The following RAB3C variants were observed in gnomAD, a reference collection of about 807,000 sequenced individuals.
RAB3C encodes RAB3C, member RAS oncogene family, also known as ras-related protein Rab-3C.
Under a neutral mutation model 26.4 loss-of-function variants are expected in RAB3C, and 17 were observed. The observed-to-expected ratio is 0.64, with a 90% CI of 0.44 to 0.97. RAB3C has a LOEUF of 0.97. Ranked by LOEUF, RAB3C falls within the 50% of genes least tolerant of loss-of-function variation. RAB3C has a pLI of 0.00. For missense variants in RAB3C, 242 were observed against 281.9 expected, an observed-to-expected ratio of 0.86 and a Z score of 1.01; for synonymous variants, 91 against 95.9, an observed-to-expected ratio of 0.95 and a Z score of 0.30.
At chr5:58,623,333 C>T (rs1218314385) in intron 2 of RAB3C, among the ~76,000 whole-genome samples, 2 of 152,210 alleles carry the variant, frequency 1.3e-5, no homozygotes, top group African/African-American at 2.4e-5. Flanking sequence ...GGCCTAGTCA[C>T]CCTACCCATT....
chr5:58,810,942 C>T (rs529764444), intron 3 of RAB3C, among the ~76,000 whole-genome samples: 1 of 152,274 alleles, frequency 6.6e-6, no homozygotes, highest in East Asian at 1.9e-4. Flanking sequence ...TTTGCTCCCA[C>T]CAAAACGGCA....
intron 2 of RAB3C, among the ~76,000 whole-genome samples, chr5:58,620,350 G>A (rs994240461): frequency 6.6e-5 from 10 of 152,122 alleles, no homozygotes; most frequent in African/African-American, 2.4e-4. Context: ...TTTTATAATA[G>A]TGTATACAAT....
At chr5:58,822,585 T>A (rs1160030885) in intron 3 of RAB3C, 1 of 253,954 alleles carries the variant, frequency 3.9e-6, no homozygotes, top group Non-Finnish European at 7.9e-6. Context: ...AGGGTAGAAC[T>A]GATTACTATA....
chr5:58,651,524 A>G (rs1026325653), intron 2 of RAB3C, among the ~76,000 whole-genome samples: 1 of 152,208 alleles, frequency 6.6e-6, no homozygotes, highest in Non-Finnish European at 1.5e-5. Context: ...TTGTTTGCAC[A>G]TATTTCTGAT....
chr5:58,640,832 C>G (rs1262813661), intron 2 of RAB3C, among the ~76,000 whole-genome samples: 1 of 152,138 alleles, frequency 6.6e-6, no homozygotes, highest in Admixed American at 6.5e-5. Flanking sequence ...AACTGGTACT[C>G]TAGTGCAATA....
Position 58,855,727 on chromosome 5 carries a change from T to C in RAB3C, c.*4376T>C, listed in dbSNP as rs987320621. The stretch of plus-strand genomic sequence containing the variant: ...CAATTAAAGACATAAACCTGTTTTA[T>C]ATCATGGAATTTACTGGGCCAAATT... On this transcript the variant is annotated 3_prime_UTR_variant, in exon 5 of 5. Coordinates refer to ENST00000282878, the MANE Select transcript of RAB3C (RefSeq NM_138453.4). 3 of 152,214 alleles carry C rather than the reference T, an allele frequency of 2.0e-5. No homozygotes were observed. The highest frequency in any genetic ancestry group is 1.3e-4 in the Admixed American group (2 of 15,266). The allele number at this position is 152,214 out of a possible 1,614,324, so 9.4% of individuals were successfully genotyped here. A position where few individuals can be genotyped will look rare whatever the true frequency, so the allele number is the denominator to read the frequency against.
At chr5:58,596,837 T>TATAATATATAATAC (rs1746284692) in intron 1 of RAB3C, among the ~76,000 whole-genome samples, 1 of 88,304 alleles carries the variant, frequency 1.1e-5, no homozygotes, top group Non-Finnish European at 1.9e-5. Flanking sequence ...TATATAAATT[T>TATAATATATAATAC]ATAATATATA....
At chr5:58,646,424 G>C (rs1053917289) in intron 2 of RAB3C, among the ~76,000 whole-genome samples, 11 of 150,574 alleles carry the variant, frequency 7.3e-5, no homozygotes, top group African/African-American at 2.7e-4. Context: ...TGAATTTTAA[G>C]AAAATCTATT....
intron 1 of RAB3C, among the ~76,000 whole-genome samples, chr5:58,596,701 T>TA (rs1167472778): frequency 0.015 from 396 of 26,644 alleles, 11 homozygotes; most frequent in African/African-American, 0.047. Context: ...ACATAATATA[T>TA]TATATATAAA....
chr5:58,719,462 T>G (rs1334802327), intron 2 of RAB3C, among the ~76,000 whole-genome samples: 1 of 151,988 alleles, frequency 6.6e-6, no homozygotes, highest in African/African-American at 2.4e-5. Context: ...TGGGTAGCTC[T>G]GAGATTTATA....
At chr5:58,845,636 G>GTGTGTGTGTGTGTT (rs1743981615) in intron 4 of RAB3C, among the ~76,000 whole-genome samples, 1 of 109,022 alleles carries the variant, frequency 9.2e-6, no homozygotes, top group African/African-American at 3.3e-5. Flanking sequence ...GTGTGTATAT[G>GTGTGTGTGTGTGTT]TATATATACA....
At chr5:58,649,926 CTG>C (rs1374970970) in intron 2 of RAB3C, among the ~76,000 whole-genome samples, 1 of 152,212 alleles carries the variant, frequency 6.6e-6, no homozygotes, top group Non-Finnish European at 1.5e-5. Flanking sequence ...GCAGCACTCT[CTG>C]TTGTTTTTTC....
chr5:58,728,704 T>C (rs1338699272), intron 3 of RAB3C, among the ~76,000 whole-genome samples: 1 of 152,052 alleles, frequency 6.6e-6, no homozygotes, highest in East Asian at 1.9e-4. Flanking sequence ...TCCCGTGAGA[T>C]ACACGGGCAT....
chr5:58,796,016 C>G (rs1168983347), intron 3 of RAB3C, among the ~76,000 whole-genome samples: 1 of 152,168 alleles, frequency 6.6e-6, no homozygotes, highest in Non-Finnish European at 1.5e-5. Flanking sequence ...AAAATTACTC[C>G]TCTCAGATCT....
intron 3 of RAB3C, among the ~76,000 whole-genome samples, chr5:58,802,355 G>A (rs1253853215): frequency 6.6e-6 from 1 of 152,134 alleles, no homozygotes; most frequent in African/African-American, 2.4e-5. Flanking sequence ...GTTCTTTATT[G>A]TTTGTGCATC....
chr5:58,759,269 C>T (rs976421742), intron 3 of RAB3C, among the ~76,000 whole-genome samples: 2 of 152,070 alleles, frequency 1.3e-5, no homozygotes, highest in African/African-American at 2.4e-5. Context: ...GGGGTTGGGG[C>T]AAGTGGACAG....
rs972813199 is a variant in RAB3C at position 58,716,635 on chromosome 5, A to G, written c.253-9367A>G. 7.2e-5 allele frequency among the ~76,000 whole-genome samples: 11 copies of G among 152,054 alleles called. 1 individual carries two copies. Among genetic ancestry groups the G allele is most frequent in the African/African-American group, 2.7e-4 (11 of 41,418 alleles). On this transcript the variant is annotated intron_variant, in intron 2 of 4. Transcript: ENST00000282878. Reference sequence around the variant, plus strand: ...AGTCTACATTCTTGATGTTGTTTTTATAATATTTTATTGGTAGTTTGCTCG... The same window carrying G: ...AGTCTACATTCTTGATGTTGTTTTTGTAATATTTTATTGGTAGTTTGCTCG...
At chr5:58,769,798 G>A (rs1031611536) in intron 3 of RAB3C, among the ~76,000 whole-genome samples, 1 of 152,136 alleles carries the variant, frequency 6.6e-6, no homozygotes, top group African/African-American at 2.4e-5. Flanking sequence ...TTCTACACCA[G>A]GGAATATTGG....
intron 2 of RAB3C, among the ~76,000 whole-genome samples, chr5:58,685,250 A>T: frequency 6.6e-6 from 1 of 152,114 alleles, no homozygotes; most frequent in East Asian, 1.9e-4. Flanking sequence ...GTATTATCTT[A>T]TGTTCTTGGG....
Sources: gnomAD v4.1 joint callset for allele counts (sites outside exome capture counted in the v4.1 genomes callset) on GRCh38, gnomAD v4.1.1 for gene constraint, MANE v1.5 for transcripts, NCBI Gene and HGNC (gene_info 2026-07-23, HGNC 2026-07-21) for gene names.